MIB1: variants seen among roughly 807,000 people sequenced by gnomAD.
MIB1 encodes MIB E3 ubiquitin protein ligase 1.
Under a neutral mutation model 124.5 loss-of-function variants are expected in MIB1, and 278 were observed. That is an observed-to-expected ratio of 2.23 (90% confidence interval 2.02 to 2.47). The LOEUF (loss-of-function observed/expected upper bound fraction) is 2.47, where lower values mean the gene tolerates loss of function less well. Ranked by LOEUF, MIB1 falls within the 30% of genes most tolerant of loss-of-function variation. MIB1 has a pLI of 0.00. For missense variants in MIB1, 957 were observed against 1,254.4 expected, an observed-to-expected ratio of 0.76 and a Z score of 3.58; for synonymous variants, 446 against 429.4, an observed-to-expected ratio of 1.04 and a Z score of -0.48.
chr18:21,804,133 T>C, intron 10 of MIB1, 119 bp downstream of exon 10: 1 of 726,320 alleles, frequency 1.4e-6, no homozygotes, highest in South Asian at 1.8e-5. Context: ...GCTTTTCTGA[T>C]TGAAAATAAA....
In MIB1 at chr18:21,804,033, T is replaced by C; in HGVS notation, c.1479+19T>C. The C allele has an allele frequency of 1.3e-6, 2 of 1,503,664 alleles. No individual in the cohort carries two copies. Among genetic ancestry groups the C allele is most frequent in the Non-Finnish European group, 1.8e-6 (2 of 1,081,876 alleles). 93.1% of individuals were successfully genotyped at this position (1,503,664 alleles called of 1,614,324 possible). A position where few individuals can be genotyped will look rare whatever the true frequency, so the allele number is the denominator to read the frequency against. On this transcript the variant is annotated intron_variant, in intron 10 of 20. Transcript: ENST00000261537. ...AGCAGAGGTAAGTAAACTTGAAAAA[T>C]ATTTTAAGTAAACATTTATTTCCTA...
At chr18:21,863,121 G>T (rs549926529) in intron 20 of MIB1, among the ~76,000 whole-genome samples, 1 of 152,196 alleles carries the variant, frequency 6.6e-6, no homozygotes, top group Non-Finnish European at 1.5e-5. Context: ...AACTGTTTGC[G>T]GGAGGGAGCA....
chr18:21,766,070 A>G (rs1568192411), intron 2 of MIB1, 127 bp downstream of exon 2: 2 of 826,594 alleles, frequency 2.4e-6, no homozygotes, highest in Non-Finnish European at 2.0e-6. Context: ...GAGGTACCCA[A>G]TAGTAGGATA....
At chr18:21,856,733 TAAAG>T (rs1450924499) in intron 18 of MIB1, among the ~76,000 whole-genome samples, 2 of 152,108 alleles carry the variant, frequency 1.3e-5, no homozygotes, top group African/African-American at 4.8e-5. Context: ...AAAATAAAAA[TAAAG>T]AAATATAAAG....
Position 21,815,789 on chromosome 18 carries a change from CT to C in MIB1, c.1656del (p.Phe552LeufsTer20), listed in dbSNP as rs778153331. 1 of 1,614,090 alleles carries C rather than the reference CT, an allele frequency of 6.2e-7. No individual in the cohort carries two copies. Among genetic ancestry groups the C allele is most frequent in the Non-Finnish European group, 8.5e-7 (1 of 1,179,988 alleles). ...HLQVVKTLLD[F>X]GCHPSLQDSE... Reference sequence around the variant, plus strand: ...TTCAAGTTGTGAAGACTTTATTGGACTTTGGCTGTCATCCCAGTCTCCAGGT... The same window carrying C: ...TTCAAGTTGTGAAGACTTTATTGGACTTGGCTGTCATCCCAGTCTCCAGGT... On this transcript the variant is annotated frameshift_variant, in exon 11 of 21. Transcript: ENST00000261537. LOFTEE classifies it high-confidence loss of function.
intron 1 of MIB1, among the ~76,000 whole-genome samples, chr18:21,760,036 G>C (rs1206132765): frequency 6.6e-6 from 1 of 152,160 alleles, no homozygotes; most frequent in Non-Finnish European, 1.5e-5. Flanking sequence ...AGTAGAATGG[G>C]TCAAAAGCTG....
chr18:21,853,166 C>A lies in MIB1; in HGVS notation c.2613C>A (p.Asp871Glu). ...TTGAAGAATGTGTGGTATGCTCTGA[C>A]AAGAAAGCAGCTGTTCTTTTTCAAC... ...TKIEECVVCSDKKAAVLFQPC... is the reference protein window; with the variant it reads ...TKIEECVVCSEKKAAVLFQPC... The change falls in exon 18 of 21, where the codon GAC becomes GAA. Residue 871 changes from aspartate (D) to glutamate (E), a missense_variant. Transcript: ENST00000261537. The A allele has an allele frequency of 6.2e-7, 1 of 1,613,470 alleles. No homozygotes were observed. The highest frequency in any genetic ancestry group is 8.5e-7 in the Non-Finnish European group (1 of 1,179,576).
At chr18:21,852,765 T>A (rs185380799) in intron 17 of MIB1, among the ~76,000 whole-genome samples, 280 of 152,348 alleles carry the variant, frequency 1.8e-3, no homozygotes, top group African/African-American at 6.6e-3. Flanking sequence ...AATCTGTCTT[T>A]CAGTCATTTC....
chr18:21,796,394 G>C (rs1035191149), intron 7 of MIB1, among the ~76,000 whole-genome samples: 1 of 151,952 alleles, frequency 6.6e-6, no homozygotes, highest in Non-Finnish European at 1.5e-5. Flanking sequence ...GGCCTGTCAG[G>C]GTGGGGGGCA....
chr18:21,858,413 TGA>T (rs2042246283), intron 19 of MIB1, 131 bp from the exon 20 acceptor site: 1 of 528,904 alleles, frequency 1.9e-6, no homozygotes, highest in South Asian at 3.2e-5. Context: ...TGTCCAAGTG[TGA>T]GAAAAATTTT....
intron 6 of MIB1, among the ~76,000 whole-genome samples, chr18:21,791,066 C>T (rs909177643): frequency 1.3e-5 from 2 of 151,432 alleles, no homozygotes; most frequent in Admixed American, 1.3e-4. Context: ...TAGCTGGGCA[C>T]AGTGGCATGC....
At chr18:21,839,454 T>G (rs9958097) in intron 13 of MIB1, among the ~76,000 whole-genome samples, 2,748 of 152,322 alleles carry the variant, frequency 0.018, 74 homozygotes, top group African/African-American at 0.058. Flanking sequence ...TCCTCTTTCT[T>G]TGTCTTTCTC....
intron 6 of MIB1, among the ~76,000 whole-genome samples, chr18:21,780,500 G>C (rs2041348565): frequency 6.6e-6 from 1 of 152,106 alleles, no homozygotes; most frequent in African/African-American, 2.4e-5. Context: ...GTCTTTCTGT[G>C]TCTGGCTTAT....
At chr18:21,780,796 T>G (rs2041352345) in intron 6 of MIB1, among the ~76,000 whole-genome samples, 1 of 152,160 alleles carries the variant, frequency 6.6e-6, no homozygotes, top group South Asian at 2.1e-4. Context: ...TAGGTTGATT[T>G]CATGTCTTGG....
chr18:21,752,497 T>C (rs540200390), intron 1 of MIB1, among the ~76,000 whole-genome samples: 1 of 152,224 alleles, frequency 6.6e-6, no homozygotes, highest in Non-Finnish European at 1.5e-5. Flanking sequence ...GTATAAATAT[T>C]CCTCTGGCTT....
intron 7 of MIB1, among the ~76,000 whole-genome samples, chr18:21,793,475 C>A (rs2041530990): frequency 6.6e-6 from 1 of 152,094 alleles, no homozygotes; most frequent in Non-Finnish European, 1.5e-5. Flanking sequence ...AATAGAACTT[C>A]TCTACAGATA....
At chr18:21,853,032 C>T in intron 17 of MIB1, 108 bp from the exon 18 acceptor site, 1 of 724,688 alleles carries the variant, frequency 1.4e-6, no homozygotes, top group Admixed American at 2.1e-5. Context: ...TTTCTCTGTG[C>T]CTAGGTGTTT....
Position 21,867,535 on chromosome 18 carries a change from A to G in MIB1, c.*2869A>G, listed in dbSNP as rs2042329190. ...AAAGATAATTTTGTATTAGTGTAGG[A>G]ATATATTAGACAAATGTTTAGTTGG... is the stretch of plus-strand genomic sequence containing the variant. On this transcript the variant is annotated 3_prime_UTR_variant, in exon 21 of 21. Transcript: ENST00000261537. 6.6e-6 allele frequency: 1 copy of G among 152,598 alleles called. No homozygotes were observed. Among genetic ancestry groups the G allele is most frequent in the East Asian group, 1.9e-4 (1 of 5,192 alleles). The allele number at this position is 152,598 out of a possible 1,614,324, so 9.5% of individuals were successfully genotyped here.
upstream of MIB1, among the ~76,000 whole-genome samples, chr18:21,738,762 A>G (rs1263953723): frequency 7.9e-6 from 1 of 127,206 alleles, no homozygotes; most frequent in African/African-American, 2.9e-5. Flanking sequence ...AGCTGAGATC[A>G]CACCACTGCA....
Sources: gnomAD v4.1 joint callset for allele counts (sites outside exome capture counted in the v4.1 genomes callset) on GRCh38, gnomAD v4.1.1 for gene constraint, MANE v1.5 for transcripts, NCBI Gene and HGNC (gene_info 2026-07-23, HGNC 2026-07-21) for gene names.